OCA2: variants seen among roughly 807,000 people sequenced by gnomAD.
The protein encoded by OCA2 is OCA2 melanosomal transmembrane protein.
Under a neutral mutation model 100.2 loss-of-function variants are expected in OCA2, and 77 were observed. The ratio of observed to expected loss-of-function variants is 0.77; its 90% CI spans 0.64 to 0.93. The LOEUF (loss-of-function observed/expected upper bound fraction) is 0.93. Ranked by LOEUF, OCA2 falls within the 40% of genes least tolerant of loss-of-function variation. The pLI, the probability that OCA2 is intolerant of heterozygous loss-of-function variation, is 0.00. For synonymous variants in OCA2, 432 were observed against 439.2 expected (o/e 0.98, Z 0.21); for missense variants, 1,062 against 1,089.1 (o/e 0.98, Z 0.35).
At chr15:27,910,530 G>A (rs1272082484) in intron 19 of OCA2, among the ~76,000 whole-genome samples, 1 of 152,036 alleles carries the variant, frequency 6.6e-6, no homozygotes, top group East Asian at 1.9e-4. Context: ...GAACTGATTA[G>A]GAGTGATTTC....
At chr15:27,721,619 G>A in the OCA2 span, among the ~76,000 whole-genome samples, 1 of 152,120 alleles carries the variant, frequency 6.6e-6, no homozygotes, top group East Asian at 1.9e-4. Flanking sequence ...AGAAATTAAA[G>A]TATAATCAGT....
the OCA2 span, among the ~76,000 whole-genome samples, chr15:27,726,654 T>C: frequency 6.6e-6 from 1 of 152,220 alleles, no homozygotes; most frequent in Non-Finnish European, 1.5e-5. Context: ...AGGGACATCC[T>C]GAAGAGGAGA....
chr15:27,751,912 C>T (rs142252790), downstream of OCA2, among the ~76,000 whole-genome samples: 103 of 152,312 alleles, frequency 6.8e-4, no homozygotes, highest in East Asian at 5.0e-3. Flanking sequence ...TTGGGCTGTG[C>T]GTCACAAGCC....
intron 23 of OCA2, among the ~76,000 whole-genome samples, chr15:27,782,998 C>G (rs546160728): frequency 6.6e-6 from 1 of 152,242 alleles, no homozygotes; most frequent in African/African-American, 2.4e-5. Context: ...TGAAATAGGG[C>G]TATGGGTTTA....
intron 14 of OCA2, among the ~76,000 whole-genome samples, chr15:27,975,943 C>T (rs1480518385): frequency 2.0e-5 from 3 of 151,986 alleles, no homozygotes; most frequent in African/African-American, 7.2e-5. Flanking sequence ...TTATTTAGAT[C>T]TTCTTTAATT....
intron 19 of OCA2, among the ~76,000 whole-genome samples, chr15:27,915,162 G>T (rs1344806688): frequency 6.6e-6 from 1 of 152,132 alleles, no homozygotes; most frequent in Non-Finnish European, 1.5e-5. Flanking sequence ...GTCATATGCA[G>T]AAGATTGAAA....
intron 1 of OCA2, among the ~76,000 whole-genome samples, chr15:28,094,052 ACTC>A (rs1444362419): frequency 6.6e-6 from 1 of 151,310 alleles, no homozygotes; most frequent in Non-Finnish European, 1.5e-5. Flanking sequence ...ACACATCCTA[ACTC>A]CTCCTAGTCC....
At chr15:27,847,154 C>T (rs1256817943) in intron 22 of OCA2, among the ~76,000 whole-genome samples, 2 of 152,172 alleles carry the variant, frequency 1.3e-5, no homozygotes, top group African/African-American at 4.8e-5. Context: ...GGAGGCAGGA[C>T]ATCAACTCGT....
intron 14 of OCA2, among the ~76,000 whole-genome samples, chr15:27,970,434 G>GCA (rs2040735124): frequency 6.6e-6 from 1 of 152,214 alleles, no homozygotes; most frequent in Admixed American, 6.5e-5. Context: ...GAACTTCACA[G>GCA]CACATGCAGC....
chr15:27,722,656 C>CTCTT, the OCA2 span, among the ~76,000 whole-genome samples: 4 of 74,360 alleles, frequency 5.4e-5, no homozygotes, highest in African/African-American at 2.1e-4. Flanking sequence ...CTTCTTTTCT[C>CTCTT]TCTTTCTTTC....
intron 14 of OCA2, among the ~76,000 whole-genome samples, chr15:27,970,481 G>A (rs1183741991): frequency 6.6e-5 from 10 of 152,094 alleles, no homozygotes; most frequent in East Asian, 1.9e-4. Flanking sequence ...CAGCAGGCAC[G>A]GCATGGTGGG....
At chr15:28,096,047 C>T (rs186380226) in intron 1 of OCA2, among the ~76,000 whole-genome samples, 2 of 152,288 alleles carry the variant, frequency 1.3e-5, no homozygotes, top group Admixed American at 1.3e-4. Flanking sequence ...CTGTGTCTCT[C>T]GGAGCACGGC....
At chr15:28,030,755 C>T (rs976071606) in intron 3 of OCA2, among the ~76,000 whole-genome samples, 2 of 152,094 alleles carry the variant, frequency 1.3e-5, no homozygotes, top group African/African-American at 4.8e-5. Flanking sequence ...CATCAGTGGG[C>T]AGGGAAAGGA....
intron 9 of OCA2, among the ~76,000 whole-genome samples, chr15:27,991,588 C>T (rs944169999): frequency 7.9e-5 from 12 of 152,102 alleles, no homozygotes; most frequent in South Asian, 2.1e-4. Context: ...TGACTGGAAA[C>T]GGGTCCCAGG....
At chr15:27,971,981 C>T (rs191711049) in intron 14 of OCA2, among the ~76,000 whole-genome samples, 14 of 152,246 alleles carry the variant, frequency 9.2e-5, no homozygotes, top group Middle Eastern at 3.4e-3. Flanking sequence ...TCCTGACCTC[C>T]CCTCTTCCTA....
At chr15:27,770,545 C>T (rs1332270517) in intron 23 of OCA2, among the ~76,000 whole-genome samples, 2 of 152,170 alleles carry the variant, frequency 1.3e-5, no homozygotes, top group African/African-American at 4.8e-5. Context: ...CTTCCTCCCT[C>T]GCCGCCGGGG....
intron 6 of OCA2, among the ~76,000 whole-genome samples, chr15:28,020,470 C>G (rs2042558723): frequency 6.6e-6 from 1 of 152,068 alleles, no homozygotes; most frequent in Non-Finnish European, 1.5e-5. Flanking sequence ...CCTGGGTCAG[C>G]CTGGCAGCCG....
intron 23 of OCA2, among the ~76,000 whole-genome samples, chr15:27,773,297 A>G (rs1248352579): frequency 1.3e-5 from 2 of 152,186 alleles, no homozygotes; most frequent in Non-Finnish European, 2.9e-5. Context: ...AAATAATGAG[A>G]ATAAATCTAT....
intron 14 of OCA2, among the ~76,000 whole-genome samples, chr15:27,973,710 A>G (rs2040877435): frequency 6.6e-6 from 1 of 152,084 alleles, no homozygotes; most frequent in African/African-American, 2.4e-5. Flanking sequence ...GGTTTTTCTA[A>G]TTCTGTGAAA....
Sources: gnomAD v4.1 joint callset for allele counts (sites outside exome capture counted in the v4.1 genomes callset) on GRCh38, gnomAD v4.1.1 for gene constraint, MANE v1.5 for transcripts, NCBI Gene and HGNC (gene_info 2026-07-23, HGNC 2026-07-21) for gene names.